SORCS3: variants seen among roughly 807,000 people sequenced by gnomAD.
SORCS3 encodes VPS10 domain-containing receptor SorCS3.
A neutral mutation model predicts 146.3 loss-of-function variants in SORCS3; 57 were observed. The observed-to-expected ratio is 0.39, with a 90% CI of 0.31 to 0.49. The LOEUF is 0.49. Among genes scored for constraint, SORCS3 ranks in the 20% least tolerant of loss-of-function variants. SORCS3 has a pLI of 0.92. For missense variants in SORCS3, 1,341 were observed against 1,575.5 expected (o/e 0.85, Z 2.52); for synonymous variants, 653 against 618.5 (o/e 1.06, Z -0.83).
At chr10:105,037,468 G>A (rs574793863) in intron 4 of SORCS3, among the ~76,000 whole-genome samples, 38 of 152,268 alleles carry the variant, frequency 2.5e-4, no homozygotes, top group Non-Finnish European at 3.2e-4. Flanking sequence ...AAGCATTTAG[G>A]GGAAACCTTC....
rs997915311 is a variant in SORCS3 at position 105,214,688 on chromosome 10, C to T, written c.2547+75C>T. The T allele has an allele frequency of 2.2e-6, 3 of 1,370,148 alleles. No homozygotes were observed. The African/African-American group carries it at 4.4e-5, about 20-fold the overall frequency. The allele number at this position is 1,370,148 out of a possible 1,614,324, so 84.9% of individuals were successfully genotyped here. A position where few individuals can be genotyped will look rare whatever the true frequency, so the allele number is the denominator to read the frequency against. ...CCCAGAAGGGAAGAAGAAGATCTTACATTCCCACAGACCCCTGCACCAAAG... is the reference window on the plus strand; with the variant it reads ...CCCAGAAGGGAAGAAGAAGATCTTATATTCCCACAGACCCCTGCACCAAAG... On this transcript the variant is annotated intron_variant, in intron 18 of 26. Coordinates refer to ENST00000369701, the MANE Select transcript of SORCS3 (RefSeq NM_014978.3).
At chr10:105,130,090 C>T (rs2056007488) in intron 7 of SORCS3, among the ~76,000 whole-genome samples, 1 of 152,258 alleles carries the variant, frequency 6.6e-6, no homozygotes, top group East Asian at 1.9e-4. Context: ...GTGCCAGATG[C>T]AAGGCTAAAG....
intron 4 of SORCS3, among the ~76,000 whole-genome samples, chr10:104,992,082 G>C (rs1236277490): frequency 6.6e-6 from 1 of 152,190 alleles, no homozygotes; most frequent in Non-Finnish European, 1.5e-5. Flanking sequence ...TGTAGCATGA[G>C]ATATTCCCGA....
chr10:104,814,569 A>G (rs1336683103), intron 1 of SORCS3, among the ~76,000 whole-genome samples: 7 of 152,062 alleles, frequency 4.6e-5, no homozygotes, highest in African/African-American at 1.7e-4. Context: ...TTGGACATCA[A>G]TTTCTCCTCC....
chr10:104,794,778 G>T (rs1432578786), intron 1 of SORCS3, among the ~76,000 whole-genome samples: 1 of 152,156 alleles, frequency 6.6e-6, no homozygotes, highest in Admixed American at 6.5e-5. Flanking sequence ...TTGGTAGCAA[G>T]ATTTAGGAGG....
chr10:104,785,143 G>A (rs2017419245), intron 1 of SORCS3, among the ~76,000 whole-genome samples: 2 of 151,850 alleles, frequency 1.3e-5, no homozygotes, highest in Admixed American at 6.6e-5. Context: ...ATAGAAAGGC[G>A]GGAAAGGTGG....
chr10:105,051,806 A>T (rs1472823045), intron 5 of SORCS3, among the ~76,000 whole-genome samples: 1 of 152,176 alleles, frequency 6.6e-6, no homozygotes, highest in Non-Finnish European at 1.5e-5. Flanking sequence ...TATTTAATTC[A>T]GCTCTCCTTT....
chr10:104,790,067 G>C (rs766483306), intron 1 of SORCS3, among the ~76,000 whole-genome samples: 3 of 152,204 alleles, frequency 2.0e-5, no homozygotes, highest in Non-Finnish European at 4.4e-5. Flanking sequence ...AGCCTGTCCA[G>C]GATCTATAAC....
chr10:104,842,764 C>A, intron 1 of SORCS3, 28 bp from the exon 2 acceptor site: 1 of 1,594,790 alleles, frequency 6.3e-7, no homozygotes, highest in East Asian at 2.2e-5. Context: ...TGTTCCTCTC[C>A]TTTGCCCTTA....
rs182285304 is a variant in SORCS3 at position 104,777,063 on chromosome 10, C to T, written c.628-65729C>T. 1.7e-4 allele frequency among the ~76,000 whole-genome samples: 26 copies of T among 152,218 alleles called. No homozygotes were observed. The East Asian group carries it at 5.0e-3, about 29-fold the overall frequency. On this transcript the variant is annotated intron_variant, in intron 1 of 26. Transcript: ENST00000369701. ...CTACATGCCCAGGTCACAGTGGTAC[C>T]TCTTGCGCTGCAGGTATCTGTGGCT...
chr10:104,941,456 C>T (rs747698754), intron 3 of SORCS3, among the ~76,000 whole-genome samples: 15 of 152,114 alleles, frequency 9.9e-5, no homozygotes, highest in Non-Finnish European at 1.3e-4. Flanking sequence ...TTTGTGTGGT[C>T]TCTTCAGAGG....
chr10:104,818,054 G>T (rs2017824703), intron 1 of SORCS3, among the ~76,000 whole-genome samples: 1 of 152,092 alleles, frequency 6.6e-6, no homozygotes, highest in South Asian at 2.1e-4. Flanking sequence ...TGTTTGGCCT[G>T]CAGGTTGCCC....
At chr10:105,173,356 A>G (rs900251055) in intron 13 of SORCS3, among the ~76,000 whole-genome samples, 1 of 151,966 alleles carries the variant, frequency 6.6e-6, no homozygotes, top group African/African-American at 2.4e-5. Context: ...AACCAAAAAA[A>G]CTGCTTCTTC....
intron 4 of SORCS3, among the ~76,000 whole-genome samples, chr10:105,032,164 C>G (rs1360573071): frequency 1.3e-5 from 2 of 152,048 alleles, no homozygotes; most frequent in Non-Finnish European, 2.9e-5. Flanking sequence ...TGCACTCCAG[C>G]CTGGGCAACA....
At chr10:105,061,108 T>C (rs1426527635) in intron 5 of SORCS3, among the ~76,000 whole-genome samples, 6 of 152,130 alleles carry the variant, frequency 3.9e-5, no homozygotes, top group Non-Finnish European at 7.4e-5. Flanking sequence ...TTATAGACTT[T>C]ACAAATAATT....
Position 105,030,326 on chromosome 10 carries a change from G to A in SORCS3, c.955-12729G>A, listed in dbSNP as rs139590886. Among the ~76,000 whole-genome samples the A allele has an allele frequency of 2.6e-5, 4 of 152,234 alleles. No homozygotes were observed. In the East Asian group the frequency reaches 5.8e-4, roughly 22 times the overall value. ...TGGCTGGGCTCTCTTTTACATTTGG[G>A]TAGGTTGGCTGCATGCTGGTCTGAG... is the stretch of plus-strand genomic sequence containing the variant. On this transcript the variant is annotated intron_variant, in intron 4 of 26. Coordinates refer to ENST00000369701, the MANE Select transcript of SORCS3 (RefSeq NM_014978.3).
At chr10:104,988,453 A>G (rs988774113) in intron 4 of SORCS3, among the ~76,000 whole-genome samples, 3 of 152,184 alleles carry the variant, frequency 2.0e-5, no homozygotes, top group African/African-American at 7.2e-5. Context: ...ATGATAAGAC[A>G]TAGGACTAAT....
intron 17 of SORCS3, 138 bp downstream of exon 17, chr10:105,211,388 G>A (rs1250790694): frequency 1.4e-5 from 9 of 654,240 alleles, no homozygotes; most frequent in Non-Finnish European, 2.5e-5. Flanking sequence ...GAAGGGAAGT[G>A]AGGAGTTCTT....
chr10:104,904,618 A>G (rs2018884711), intron 2 of SORCS3, among the ~76,000 whole-genome samples: 1 of 151,876 alleles, frequency 6.6e-6, no homozygotes, highest in Admixed American at 6.6e-5. Context: ...TATTTTTGAA[A>G]AATATGTAAC....
Sources: allele counts gnomAD v4.1 joint callset (sites outside exome capture counted in the v4.1 genomes callset), GRCh38; gene constraint gnomAD v4.1.1; transcripts MANE v1.5; gene names NCBI Gene and HGNC (gene_info 2026-07-23, HGNC 2026-07-21).